The following AIG1 variants were observed in gnomAD, a reference collection of about 807,000 sequenced individuals.
The protein encoded by AIG1 is androgen-induced gene 1 protein.
A neutral mutation model predicts 31.4 loss-of-function variants in AIG1; 23 were observed. That is an observed-to-expected ratio of 0.73 (90% CI 0.53 to 1.04). The LOEUF is 1.04. Among genes scored for constraint, AIG1 ranks in the 50% least tolerant of loss-of-function variants. AIG1 has a pLI of 0.00. For synonymous variants in AIG1, 100 were observed against 110.5 expected, an observed-to-expected ratio of 0.90 and a Z score of 0.60; for missense variants, 274 against 295.0, an observed-to-expected ratio of 0.93 and a Z score of 0.52.
intron 4 of AIG1, among the ~76,000 whole-genome samples, chr6:143,332,131 G>A (rs1029227481): frequency 3.9e-5 from 6 of 151,974 alleles, no homozygotes; most frequent in Admixed American, 1.3e-4. Flanking sequence ...CTCAGCCTCC[G>A]AAAGTGCTGA....
intron 2 of AIG1, among the ~76,000 whole-genome samples, chr6:143,142,915 C>A (rs1420161063): frequency 6.6e-6 from 1 of 152,098 alleles, no homozygotes; most frequent in Non-Finnish European, 1.5e-5. Context: ...ACAAGTAATT[C>A]CCAAAAGTCT....
At chr6:143,208,691 A>T (rs1355547159) in intron 3 of AIG1, among the ~76,000 whole-genome samples, 1 of 152,186 alleles carries the variant, frequency 6.6e-6, no homozygotes, top group Non-Finnish European at 1.5e-5. Context: ...ACTGCATAAA[A>T]GCAACCCCAT....
At chr6:143,287,737 TAAAAAAAAAAAAA>T (rs59551903) in intron 4 of AIG1, among the ~76,000 whole-genome samples, 22 of 78,044 alleles carry the variant, frequency 2.8e-4, no homozygotes, top group Middle Eastern at 7.8e-3. Context: ...CTGACTACAG[TAAAAAAAAAAAAA>T]AAAAAAAAAA....
At chr6:143,063,859 G>A (rs1368909451) in intron 1 of AIG1, among the ~76,000 whole-genome samples, 1 of 152,208 alleles carries the variant, frequency 6.6e-6, no homozygotes, top group African/African-American at 2.4e-5. Flanking sequence ...TTATGTGGCA[G>A]TGGCCATTCT....
At chr6:143,110,692 G>T (rs1333872763) in intron 1 of AIG1, among the ~76,000 whole-genome samples, 1 of 151,984 alleles carries the variant, frequency 6.6e-6, no homozygotes, top group African/African-American at 2.4e-5. Context: ...GAGGTGCGGA[G>T]TTTTTTTTGG....
intron 1 of AIG1, chr6:143,061,747 T>C: frequency 5.9e-6 from 1 of 168,232 alleles, no homozygotes; most frequent in South Asian, 1.4e-4. Flanking sequence ...CATAAGCAGC[T>C]CCTCTGTTGG....
chr6:143,272,489 C>A (rs1484340964), intron 3 of AIG1, among the ~76,000 whole-genome samples: 1 of 152,204 alleles, frequency 6.6e-6, no homozygotes, highest in Non-Finnish European at 1.5e-5. Flanking sequence ...TTTAAATGCA[C>A]TGGCCTAAGA....
chr6:143,205,945 T>G (rs75264849), intron 3 of AIG1, among the ~76,000 whole-genome samples: 2,435 of 152,316 alleles, frequency 0.016, 70 homozygotes, highest in African/African-American at 0.056. Flanking sequence ...ACCGTGTAAT[T>G]GTTATATTAT....
intron 3 of AIG1, among the ~76,000 whole-genome samples, chr6:143,183,453 C>G (rs1788936913): frequency 6.6e-6 from 1 of 152,166 alleles, no homozygotes; most frequent in African/African-American, 2.4e-5. Context: ...CTTGGCCTCC[C>G]AAAGTGCTGG....
At chr6:143,119,729 A>G (rs1782081516) in intron 1 of AIG1, among the ~76,000 whole-genome samples, 2 of 152,168 alleles carry the variant, frequency 1.3e-5, no homozygotes, top group South Asian at 4.1e-4. Flanking sequence ...TGTAACCCCT[A>G]TTTAGTGCAC....
chr6:143,306,378 C>T (rs1799310191), intron 4 of AIG1, among the ~76,000 whole-genome samples: 1 of 152,020 alleles, frequency 6.6e-6, no homozygotes, highest in African/African-American at 2.4e-5. Flanking sequence ...TGTTCCTTTC[C>T]ATGTTTAGTG....
intron 4 of AIG1, among the ~76,000 whole-genome samples, chr6:143,295,896 C>T (rs990964773): frequency 6.6e-6 from 1 of 152,112 alleles, no homozygotes; most frequent in African/African-American, 2.4e-5. Flanking sequence ...AAGAGGGCTT[C>T]CTTGTCTCCA....
chr6:143,248,106 G>A (rs1034930495), intron 3 of AIG1, among the ~76,000 whole-genome samples: 1 of 152,136 alleles, frequency 6.6e-6, no homozygotes, highest in Non-Finnish European at 1.5e-5. Context: ...ACTATTGAGA[G>A]TCAATGGAGT....
intron 1 of AIG1, among the ~76,000 whole-genome samples, chr6:143,132,392 G>T (rs892810732): frequency 2.6e-5 from 4 of 152,044 alleles, no homozygotes; most frequent in African/African-American, 7.2e-5. Context: ...AGACTTAAAA[G>T]ATATTGTTTC....
In AIG1 at chr6:143,308,795, G is replaced by A. The variant is rs1012001064; in HGVS notation, c.516-24487G>A. ...CCTGAAAACATTTATGAATGAGTAC[G>A]CCTTTAGTGCCTCCATTTTAGTTAC... On this transcript the variant is annotated intron_variant, in intron 4 of 5. Transcript: ENST00000357847. Among the ~76,000 whole-genome samples, 106 of 152,000 alleles carry A rather than the reference G, an allele frequency of 7.0e-4. 1 individual carries two copies. Among genetic ancestry groups the A allele is most frequent in the African/African-American group, 2.4e-3 (98 of 41,346 alleles).
intron 3 of AIG1, among the ~76,000 whole-genome samples, chr6:143,229,846 G>A (rs1010272593): frequency 6.7e-6 from 1 of 148,224 alleles, no homozygotes; most frequent in African/African-American, 2.5e-5. Flanking sequence ...GTGGGTTTCT[G>A]TGGTACTATT....
chr6:143,142,294 G>T (rs1390139465), intron 2 of AIG1, among the ~76,000 whole-genome samples: 2 of 152,072 alleles, frequency 1.3e-5, no homozygotes, highest in African/African-American at 4.8e-5. Flanking sequence ...GGCTGGTCTT[G>T]AACTCCTGGC....
At chr6:143,086,841 T>C (rs1157855610) in intron 1 of AIG1, among the ~76,000 whole-genome samples, 1 of 152,198 alleles carries the variant, frequency 6.6e-6, no homozygotes, top group Non-Finnish European at 1.5e-5. Context: ...GGCGCACGCA[T>C]GGGCAACTGT....
At chr6:143,087,875 C>T (rs1778949303) in intron 1 of AIG1, among the ~76,000 whole-genome samples, 1 of 152,206 alleles carries the variant, frequency 6.6e-6, no homozygotes, top group African/African-American at 2.4e-5. Flanking sequence ...AATGATCACT[C>T]AGGGTGTGTA....
Sources: allele counts gnomAD v4.1 joint callset (sites outside exome capture counted in the v4.1 genomes callset), GRCh38; gene constraint gnomAD v4.1.1; transcripts MANE v1.5; gene names NCBI Gene and HGNC (gene_info 2026-07-23, HGNC 2026-07-21).